Variants in MIP observed in about 807,000 individuals in gnomAD.
MIP encodes the protein major intrinsic protein of lens fiber, also known as lens fiber major intrinsic protein.
Under a neutral mutation model 21.8 loss-of-function variants are expected in MIP, and 14 were observed. The observed-to-expected ratio is 0.64, with a 90% CI of 0.42 to 1.00. MIP has a LOEUF of 1.00. Among genes scored for constraint, MIP ranks in the 50% least tolerant of loss-of-function variants. The probability of loss-of-function intolerance (pLI) is 0.00; values close to 1 mark genes in which losing one functional copy is unlikely to be tolerated. For missense variants in MIP, 260 were observed against 333.5 expected (o/e 0.78, Z 1.72); for synonymous variants, 133 against 141.4 (o/e 0.94, Z 0.42).
At chr12:56,455,291 C>T (rs1273693961), upstream of MIP, among the ~76,000 whole-genome samples, 6 of 152,118 alleles carry the variant, frequency 3.9e-5, no homozygotes, top group South Asian at 4.2e-4. Flanking sequence ...CATGACAGCA[C>T]CTCCCTTTTC....
intron 2 of MIP, 79 bp downstream of exon 2, chr12:56,453,512 A>G: frequency 6.7e-7 from 1 of 1,497,224 alleles, no homozygotes; most frequent in Non-Finnish European, 9.3e-7. Flanking sequence ...TGAAGTAGGC[A>G]GGAAGAACCC....
Position 56,454,563 on chromosome 12 carries a change from G to A in MIP, c.51C>T (p.Phe17=). 6.2e-7 allele frequency: 1 copy of A among 1,614,116 alleles called. No individual in the cohort carries two copies. The highest frequency in any genetic ancestry group is 8.5e-7 in the Non-Finnish European group (1 of 1,179,982). The change falls in exon 1 of 4, where the codon TTC becomes TTT. Residue 17 remains phenylalanine, a synonymous_variant. Coordinates refer to ENST00000652304, the MANE Select transcript of MIP (RefSeq NM_012064.4). ...AGAAGACATAGAAGAGGGTGGCAAAGAACTCAGCGAATATGGCCCTCCAAA... is the reference window on the plus strand; with the variant it reads ...AGAAGACATAGAAGAGGGTGGCAAAAAACTCAGCGAATATGGCCCTCCAAA... ...ASFWRAIFAE[F]FATLFYVFFG...
intron 3 of MIP, chr12:56,452,761 C>A (rs1028946661): frequency 1.7e-5 from 7 of 417,072 alleles, no homozygotes; most frequent in Middle Eastern, 7.1e-4. Context: ...ACATCTTGAT[C>A]TCTGAGAGCA....
chr12:56,452,634 G>T, intron 3 of MIP: 1 of 216,210 alleles, frequency 4.6e-6, no homozygotes, highest in Non-Finnish European at 9.5e-6. Flanking sequence ...TTCTCGTAAT[G>T]TCCCATTTTA....
At chr12:56,455,021 C>T (rs1423445317), upstream of MIP, among the ~76,000 whole-genome samples, 2 of 152,136 alleles carry the variant, frequency 1.3e-5, no homozygotes, top group Non-Finnish European at 2.9e-5. Flanking sequence ...AAGCTGAGCT[C>T]ACTTCATGGC....
In MIP at chr12:56,454,488, C is replaced by T; in HGVS notation, c.126G>A (p.Leu42=). ...CCAAGCCAAATGCCATAGCCACCTG[C>T]AGAACATGCAGGGGTCCAGGAGCCC... ...LRWAPGPLHV[L]QVAMAFGLAL... The change falls in exon 1 of 4, where the codon CTG becomes CTA. Residue 42 remains leucine, a synonymous_variant. Coordinates refer to ENST00000652304, the MANE Select transcript of MIP (RefSeq NM_012064.4). 3 of 1,612,724 alleles carry T rather than the reference C, an allele frequency of 1.9e-6. No individual in the cohort carries two copies. Among genetic ancestry groups the T allele is most frequent in the African/African-American group, 1.3e-5 (1 of 75,044 alleles).
intron 3 of MIP, among the ~76,000 whole-genome samples, chr12:56,451,845 C>T (rs1324227493): frequency 6.6e-6 from 1 of 152,142 alleles, no homozygotes; most frequent in Non-Finnish European, 1.5e-5. Flanking sequence ...CATTTGAGAA[C>T]AGCCTGACCA....
chr12:56,454,554 G>A lies in MIP; in HGVS notation c.60C>T (p.Thr20=), dbSNP rs765691188. The A allele has an allele frequency of 6.2e-7, 1 of 1,614,002 alleles. No homozygotes were observed. Among genetic ancestry groups the A allele is most frequent in the South Asian group, 1.1e-5 (1 of 91,036 alleles). Residue 20 remains threonine (T), a synonymous_variant, in exon 1 of 4, where the codon ACC becomes ACT. Transcript: ENST00000652304. The part of the protein sequence containing the change: ...WRAIFAEFFA[T]LFYVFFGLGS... ...CCAGCCCAAAGAAGACATAGAAGAG[G>A]GTGGCAAAGAACTCAGCGAATATGG... is the stretch of plus-strand genomic sequence containing the variant.
At chr12:56,452,909 A>T (rs988623139) in intron 3 of MIP, 163 bp downstream of exon 3, 3 of 683,358 alleles carry the variant, frequency 4.4e-6, no homozygotes, top group Non-Finnish European at 8.0e-6. Flanking sequence ...CAAAATCATG[A>T]ATCCTGCTCA....
chr12:56,451,480 A>G lies in MIP; in HGVS notation c.607-15T>C. 1 of 1,613,316 alleles carries G rather than the reference A, an allele frequency of 6.2e-7. No homozygotes were observed. The highest frequency in any genetic ancestry group is 1.1e-5 in the South Asian group (1 of 91,066). On this transcript the variant is annotated splice_polypyrimidine_tract_variant and intron_variant, in intron 3 of 3. Transcript: ENST00000652304. ...ACCCAGTACACCTGTAGAAAGAGAAAAGGAATACTCAGGCTTGGGGAGGGG... is the reference window on the plus strand; with the variant it reads ...ACCCAGTACACCTGTAGAAAGAGAAGAGGAATACTCAGGCTTGGGGAGGGG...
rs1289454345 is a variant in MIP at position 56,450,196 on chromosome 12, A to G, written c.*1084T>C. ...GACAGAGAAATGAAAATACACAGAC[A>G]CAAAACAAGAAAAAAAACACGGAAC... is the stretch of plus-strand genomic sequence containing the variant. On this transcript the variant is annotated 3_prime_UTR_variant, in exon 4 of 4. Transcript: ENST00000652304. 6.6e-6 allele frequency: 1 copy of G among 152,214 alleles called. No homozygotes were observed. Among genetic ancestry groups the G allele is most frequent in the Non-Finnish European group, 1.5e-5 (1 of 68,040 alleles). The allele number at this position is 152,214 out of a possible 1,614,324, so 9.4% of individuals were successfully genotyped here.
At chr12:56,452,865 A>C (rs946823851) in intron 3 of MIP, 23 of 613,280 alleles carry the variant, frequency 3.8e-5, no homozygotes, top group African/African-American at 3.3e-4. Flanking sequence ...CTAACCAGAG[A>C]AGGAAAAATA....
intron 3 of MIP, chr12:56,452,719 G>A: frequency 2.9e-6 from 1 of 350,080 alleles, no homozygotes; most frequent in East Asian, 6.7e-5. Flanking sequence ...ATTAGAACTG[G>A]AATGGGGCTG....
chr12:56,452,860 C>T, intron 3 of MIP: 2 of 608,338 alleles, frequency 3.3e-6, no homozygotes, highest in Non-Finnish European at 5.9e-6. Flanking sequence ...CCTGACTAAC[C>T]AGAGAAGGAA....
chr12:56,452,959 G>A (rs1300951871), intron 3 of MIP, 113 bp downstream of exon 3: 1 of 797,012 alleles, frequency 1.3e-6, no homozygotes, highest in Admixed American at 1.7e-5. Flanking sequence ...CCTTAGCTGA[G>A]TGCTGGTACA....
chr12:56,451,637 T>G (rs1565693690), intron 3 of MIP, among the ~76,000 whole-genome samples, 172 bp from the exon 4 acceptor site: 1 of 152,248 alleles, frequency 6.6e-6, no homozygotes, highest in Non-Finnish European at 1.5e-5. Flanking sequence ...CACCTTAGCA[T>G]GTGTATATTC....
At position 56,453,010 on chromosome 12, in the gene MIP, G is replaced by C. The variant is rs1592264129; in HGVS notation, c.606+62C>G. ...AGAAGGAAAGCAGGAATCCAGCCTG[G>C]AACCTGCAGTCCACAACCATCCAGA... is the stretch of plus-strand genomic sequence containing the variant. On this transcript the variant is annotated intron_variant, in intron 3 of 3. Transcript: ENST00000652304. 2.7e-6 allele frequency: 3 copies of C among 1,126,104 alleles called. No individual in the cohort carries two copies. The East Asian group carries it at 7.0e-5, about 26-fold the overall frequency. The allele number at this position is 1,126,104 out of a possible 1,614,324, so 69.8% of individuals were successfully genotyped here. A position where few individuals can be genotyped will look rare whatever the true frequency, so the allele number is the denominator to read the frequency against.
intron 3 of MIP, 90 bp downstream of exon 3, chr12:56,452,982 C>T (rs944713968): frequency 3.5e-5 from 32 of 902,178 alleles, no homozygotes; most frequent in Non-Finnish European, 5.3e-5. Context: ...AGCCAACACA[C>T]GCAGAAGGAA....
Position 56,453,079 on chromosome 12 carries a change from T to C in MIP, c.599A>G (p.Asn200Ser). 1 of 1,609,068 alleles carries C rather than the reference T, an allele frequency of 6.2e-7. No homozygotes were observed. ...APAILTGNFT[N>S]HWVYWVGPII... Reference sequence around the variant, plus strand: ...CCCTCTCCCTTCACTCACCCAGTGGTTAGTGAAGTTCCCAGTGAGAATGGC... The same window carrying C: ...CCCTCTCCCTTCACTCACCCAGTGGCTAGTGAAGTTCCCAGTGAGAATGGC... Residue 200 changes from asparagine to serine, a missense_variant, in exon 3 of 4, where the codon AAC becomes AGC. By Grantham distance (46) the Asn-to-Ser change is conservative (BLOSUM62 1). Coordinates refer to ENST00000652304, the MANE Select transcript of MIP (RefSeq NM_012064.4).
Sources: allele counts gnomAD v4.1 joint callset (sites outside exome capture counted in the v4.1 genomes callset), GRCh38; gene constraint gnomAD v4.1.1; transcripts MANE v1.5; gene names NCBI Gene and HGNC (gene_info 2026-07-23, HGNC 2026-07-21).